ERI1: variants seen among roughly 807,000 people sequenced by gnomAD.
ERI1 encodes the protein 3'-5' exoribonuclease 1.
A neutral mutation model predicts 39.7 loss-of-function variants in ERI1; 39 were observed. The ratio of observed to expected loss-of-function variants is 0.98; its 90% confidence interval spans 0.76 to 1.28. ERI1 has a LOEUF of 1.28. ERI1 is among the 50% of genes most tolerant of loss of function. ERI1 has a pLI of 0.00. For missense variants in ERI1, 581 were observed against 416.9 expected (o/e 1.39, Z -3.43); for synonymous variants, 204 against 149.6 (o/e 1.36, Z -2.65).
At chr8:9,060,176 T>A (rs1355241075) in intron 3 of ERI1, among the ~76,000 whole-genome samples, 1 of 152,056 alleles carries the variant, frequency 6.6e-6, no homozygotes, top group Non-Finnish European at 1.5e-5. Context: ...AGAAACTGCT[T>A]GGGTGATTTG....
chr8:9,026,797 C>G (rs1005693824), intron 6 of ERI1, among the ~76,000 whole-genome samples: 4 of 151,708 alleles, frequency 2.6e-5, no homozygotes, highest in Admixed American at 2.6e-4. Flanking sequence ...CAAAAAATTT[C>G]AAATCCAAAG....
intron 2 of ERI1, chr8:9,009,171 T>G (rs1444322620): frequency 2.3e-6 from 1 of 441,096 alleles, no homozygotes; most frequent in Non-Finnish European, 4.5e-6. Flanking sequence ...CAAGCCTGTA[T>G]TGAATTCTAA....
chr8:9,084,719 T>G (rs904823822), intron 3 of ERI1, among the ~76,000 whole-genome samples: 2 of 152,120 alleles, frequency 1.3e-5, no homozygotes, highest in Non-Finnish European at 2.9e-5. Context: ...CCAAGGAGTT[T>G]GTGAGTACCC....
chr8:9,034,634 C>T (rs761187586), downstream of ERI1, among the ~76,000 whole-genome samples: 1 of 152,190 alleles, frequency 6.6e-6, no homozygotes, highest in African/African-American at 2.4e-5. Context: ...ATCGCTCCCT[C>T]TCCAGACCTA....
rs534280796 is a variant in ERI1, at chr8:9,089,387, G to C, written n.300-26961G>C. The stretch of plus-strand genomic sequence containing the variant: ...CCCAAAGTGCTGGAATTATGGGTGT[G>C]AGCTACCACACGCAGCCTGGATCTC... On this transcript the variant is annotated intron_variant and non_coding_transcript_variant, in intron 3 of 3. Transcript: ENST00000518663. Among the ~76,000 whole-genome samples the C allele has an allele frequency of 9.8e-5, 15 of 152,330 alleles. No homozygotes were observed. The South Asian group carries it at 3.1e-3, about 32-fold the overall frequency.
Position 9,031,544 on chromosome 8 carries a change from A to G in ERI1, c.*1510A>G, listed in dbSNP as rs1226162184. The G allele has an allele frequency of 6.6e-6, 1 of 152,230 alleles. No individual in the cohort carries two copies. Among genetic ancestry groups the G allele is most frequent in the African/African-American group, 2.4e-5 (1 of 41,464 alleles). The allele number at this position is 152,230 out of a possible 1,614,324, so 9.4% of individuals were successfully genotyped here. On this transcript the variant is annotated 3_prime_UTR_variant, in exon 7 of 7. Transcript: ENST00000250263. ...GCTGAGATGTTTGTGCATCCCAGAT[A>G]GCACTGTACAATAACCTGTAAAGTA...
In ERI1 at chr8:9,053,589, C is replaced by G. The variant is rs545289147; in HGVS notation, n.299+33125C>G. 7.2e-5 allele frequency among the ~76,000 whole-genome samples: 11 copies of G among 152,210 alleles called. No homozygotes were observed. The East Asian group carries it at 2.1e-3, about 29-fold the overall frequency. On this transcript the variant is annotated intron_variant and non_coding_transcript_variant, in intron 3 of 3. Transcript: ENST00000518663. ...TGCTTTGTTGAGTTCTATGAGTCAC[C>G]GTAGTCTGTTAATGAACCTGAAGCA...
At chr8:9,037,606 T>G (rs1797892787), downstream of ERI1, among the ~76,000 whole-genome samples, 1 of 152,184 alleles carries the variant, frequency 6.6e-6, no homozygotes, top group Non-Finnish European at 1.5e-5. Flanking sequence ...TAAAAATAAT[T>G]AGTGATGGTA....
Position 9,030,087 on chromosome 8 carries a change from A to G in ERI1, c.*53A>G. 1.2e-6 allele frequency: 2 copies of G among 1,600,502 alleles called. No individual in the cohort carries two copies. Among genetic ancestry groups the G allele is most frequent in the Non-Finnish European group, 1.7e-6 (2 of 1,170,322 alleles). ...ATTGAAGTTGCTATGAAGAGGTAGCAGATGAATCTCATTGAATTAGTCCTG... is the reference window on the plus strand; with the variant it reads ...ATTGAAGTTGCTATGAAGAGGTAGCGGATGAATCTCATTGAATTAGTCCTG... On this transcript the variant is annotated 3_prime_UTR_variant, in exon 7 of 7. Transcript: ENST00000250263.
At chr8:9,068,886 G>A (rs1413344155) in intron 3 of ERI1, among the ~76,000 whole-genome samples, 1 of 152,054 alleles carries the variant, frequency 6.6e-6, no homozygotes, top group African/African-American at 2.4e-5. Flanking sequence ...GTGCAGTCAT[G>A]GCTGACTGCA....
intron 2 of ERI1, among the ~76,000 whole-genome samples, chr8:9,011,012 C>T (rs1047209519): frequency 6.6e-6 from 1 of 152,108 alleles, no homozygotes; most frequent in Non-Finnish European, 1.5e-5. Context: ...CAGACATTCA[C>T]CTTTATATGC....
At chr8:9,069,185 T>G (rs1798975872) in intron 3 of ERI1, among the ~76,000 whole-genome samples, 1 of 152,162 alleles carries the variant, frequency 6.6e-6, no homozygotes, top group African/African-American at 2.4e-5. Flanking sequence ...TGATCCATAT[T>G]CTCAGATCAC....
chr8:9,092,019 C>T (rs933592946), intron 3 of ERI1, among the ~76,000 whole-genome samples: 45 of 152,268 alleles, frequency 3.0e-4, no homozygotes, highest in Admixed American at 2.9e-3. Flanking sequence ...TGCAGTGGTG[C>T]AATCTCGGCT....
intron 4 of ERI1, among the ~76,000 whole-genome samples, chr8:9,017,599 C>G (rs1197381077): frequency 6.6e-6 from 1 of 152,148 alleles, no homozygotes; most frequent in Non-Finnish European, 1.5e-5. Context: ...GAATAGAAGA[C>G]TGTCCTGGGG....
In ERI1 at chr8:9,018,349, A is replaced by T. The variant is rs1817521344; in HGVS notation, c.635A>T (p.Asp212Val). 1.9e-6 allele frequency: 3 copies of T among 1,612,576 alleles called. No individual in the cohort carries two copies. The highest frequency in any genetic ancestry group is 3.3e-5 in the Admixed American group (2 of 60,002). ...TFPQVLKKVIDWMKLKELGTK... is the reference protein window; with the variant it reads ...TFPQVLKKVIVWMKLKELGTK... Reference sequence around the variant, plus strand: ...CCTCAGGTACTAAAAAAAGTAATTGACTGGATGAAATTGAAGGAATTAGGA... The same window carrying T: ...CCTCAGGTACTAAAAAAAGTAATTGTCTGGATGAAATTGAAGGAATTAGGA... Residue 212 changes from aspartate to valine, a missense_variant, in exon 5 of 7, where the codon GAC becomes GTC. Coordinates refer to ENST00000250263, the MANE Select transcript of ERI1 (RefSeq NM_153332.4).
At chr8:9,087,218 T>C (rs140017006) in intron 3 of ERI1, among the ~76,000 whole-genome samples, 1 of 151,258 alleles carries the variant, frequency 6.6e-6, no homozygotes, top group East Asian at 1.9e-4. Context: ...ACCTTCATCT[T>C]ATTTTTATTT....
chr8:9,039,084 C>G (rs771040632), intron 3 of ERI1, among the ~76,000 whole-genome samples: 29 of 152,134 alleles, frequency 1.9e-4, no homozygotes, highest in Admixed American at 1.4e-3. Context: ...TTTACTCGTT[C>G]TTATATTTGG....
At chr8:9,083,226 T>C (rs1199041610) in intron 3 of ERI1, among the ~76,000 whole-genome samples, 1 of 152,158 alleles carries the variant, frequency 6.6e-6, no homozygotes, top group African/African-American at 2.4e-5. Context: ...ATCCCTTATC[T>C]TGATCTACTT....
Position 9,030,091 on chromosome 8 carries a change from G to T in ERI1, c.*57G>T, listed in dbSNP as rs889654824. On this transcript the variant is annotated 3_prime_UTR_variant, in exon 7 of 7. Coordinates refer to ENST00000250263, the MANE Select transcript of ERI1 (RefSeq NM_153332.4). ...AAGTTGCTATGAAGAGGTAGCAGAT[G>T]AATCTCATTGAATTAGTCCTGTAGT... 3 of 1,595,702 alleles carry T rather than the reference G, an allele frequency of 1.9e-6. No individual in the cohort carries two copies. The highest frequency in any genetic ancestry group is 2.6e-6 in the Non-Finnish European group (3 of 1,167,340).
Sources: gnomAD v4.1 joint callset for allele counts (sites outside exome capture counted in the v4.1 genomes callset) on GRCh38, gnomAD v4.1.1 for gene constraint, MANE v1.5 for transcripts, NCBI Gene and HGNC (gene_info 2026-07-23, HGNC 2026-07-21) for gene names.